HJURP: variants seen among roughly 807,000 people sequenced by gnomAD.
The protein encoded by HJURP is Holliday junction recognition protein.
In HJURP, 49 loss-of-function variants were observed where a neutral mutation model predicts 72.0. The observed-to-expected ratio is 0.68, with a 90% CI of 0.54 to 0.86. HJURP has a LOEUF of 0.86. Among genes scored for constraint, HJURP ranks in the 40% least tolerant of loss-of-function variants. The pLI is 0.00. For missense variants in HJURP, 908 were observed against 936.3 expected (o/e 0.97, Z 0.39); for synonymous variants, 357 against 347.1 (o/e 1.03, Z -0.32).
intron 7 of HJURP, among the ~76,000 whole-genome samples, chr2:233,842,641 A>G (rs945759547): frequency 8.6e-5 from 4 of 46,730 alleles, no homozygotes; most frequent in African/African-American, 5.9e-4. Context: ...ATTGAACACA[A>G]ACAAAAAAAA....
chr2:233,839,249 C>T (rs1024505157), intron 8 of HJURP, among the ~76,000 whole-genome samples: 1 of 152,234 alleles, frequency 6.6e-6, no homozygotes, highest in Non-Finnish European at 1.5e-5. Context: ...TGGTCTGTGT[C>T]CAGACAGCTC....
Position 233,842,047 on chromosome 2 carries a change from A to C in HJURP, c.733T>G (p.Leu245Val), listed in dbSNP as rs968955764. ...TCATCTTCAAAGGGCTGGCTGCTTA[A>C]GAAGCTGCTGCTACTGGTCTCTTGT... ...SLQETSSSSF[L>V]SSQPFEDDDI... The change falls in exon 8 of 9, where the codon TTA becomes GTA. Residue 245 changes from leucine to valine, a missense_variant. Physicochemically the swap from Leu to Val is conservative, Grantham distance 32. Coordinates refer to ENST00000411486, the MANE Select transcript of HJURP (RefSeq NM_018410.5). 2 of 1,614,124 alleles carry C rather than the reference A, an allele frequency of 1.2e-6. No homozygotes were observed. The highest frequency in any genetic ancestry group is 1.3e-5 in the African/African-American group (1 of 74,938).
In HJURP at chr2:233,844,206, G is replaced by A. The variant is rs769522056; in HGVS notation, c.573C>T (p.Pro191=). The A allele has an allele frequency of 6.8e-6, 11 of 1,612,398 alleles. No individual in the cohort carries two copies. The highest frequency in any genetic ancestry group is 4.5e-5 in the East Asian group (2 of 44,896). ...ATACAGTTTCTATGTCACACTCACC[G>A]GGGGCAGGCACGGCAGGTGAGGCCA... is the stretch of plus-strand genomic sequence containing the variant. The part of the protein sequence containing the change: ...PSLASPAVPA[P]GYCSRISRKS... The change falls in exon 7 of 9, where the codon CCC becomes CCT. Residue 191 remains proline, a splice_region_variant and synonymous_variant. Coordinates refer to ENST00000411486, the MANE Select transcript of HJURP (RefSeq NM_018410.5).
rs756474081 is a variant in HJURP, at chr2:233,853,888, G to T, written c.140C>A (p.Thr47Asn). The change falls in exon 2 of 9, where the codon ACC becomes AAC. Residue 47 changes from threonine (T) to asparagine (N), a missense_variant. By Grantham distance (65) the Thr-to-Asn change is moderately conservative (BLOSUM62 0). Around this residue, in one of 3 missense-constraint regions of HJURP, gnomAD observed 299 missense variants for 286.7 expected, o/e 1.04. Transcript: ENST00000411486. ...IEKYNQPFED[T>N]PVVQMATLTY... ...CAGCGTGGCCATTTGCACCACCGGG[G>T]TGTCCTCGAAGGGCTGGTTGTACTG... 1.2e-6 allele frequency: 2 copies of T among 1,613,960 alleles called. No individual in the cohort carries two copies. The highest frequency in any genetic ancestry group is 2.2e-5 in the East Asian group (1 of 44,880).
Position 233,841,498 on chromosome 2 carries a change from C to G in HJURP, c.1282G>C (p.Glu428Gln), listed in dbSNP as rs745980197. ...ATTTCAATCTCCCTCTGACGGTTCT[C>G]TCCATGGCCCTGTCGTATTGTTGGT... ...SRPTIRQGHGENRQREIEIRF... is the reference protein window; with the variant it reads ...SRPTIRQGHGQNRQREIEIRF... The change falls in exon 8 of 9, where the codon GAG (glutamate) becomes CAG (glutamine). Residue 428 changes from glutamate (E) to glutamine (Q), a missense_variant. By Grantham distance (29) the Glu-to-Gln change is conservative. Coordinates refer to ENST00000411486, the MANE Select transcript of HJURP (RefSeq NM_018410.5). 2.6e-5 allele frequency: 42 copies of G among 1,614,086 alleles called. No homozygotes were observed. The highest frequency in any genetic ancestry group is 3.4e-5 in the Non-Finnish European group (40 of 1,180,038).
rs995025806 is a variant in HJURP at position 233,837,386 on chromosome 2, A to G, written c.*191T>C. 4.0e-6 allele frequency: 2 copies of G among 503,306 alleles called. No homozygotes were observed. Among genetic ancestry groups the G allele is most frequent in the African/African-American group, 2.0e-5 (1 of 49,222 alleles). The allele number at this position is 503,306 out of a possible 1,614,324, so 31.2% of individuals were successfully genotyped here. On this transcript the variant is annotated 3_prime_UTR_variant, in exon 9 of 9. Transcript: ENST00000411486. ...ATCAAAGAGAACCCTAAAAATTCTA[A>G]TTGAGCAACTTTATTCACATAATTT...
chr2:233,839,505 G>A (rs1705163917), intron 8 of HJURP, among the ~76,000 whole-genome samples: 1 of 152,248 alleles, frequency 6.6e-6, no homozygotes, highest in Admixed American at 6.5e-5. Flanking sequence ...AGTGAGAAAG[G>A]CCCCAGGGGG....
rs1461179379 is a variant in HJURP at position 233,845,818 on chromosome 2, A to G, written c.405T>C (p.Pro135=). 1.2e-6 allele frequency: 2 copies of G among 1,608,290 alleles called. No individual in the cohort carries two copies. Among genetic ancestry groups the G allele is most frequent in the Non-Finnish European group, 1.7e-6 (2 of 1,176,064 alleles). The change falls in exon 6 of 9, where the codon CCT becomes CCC. Residue 135 remains proline, a splice_region_variant and synonymous_variant. Transcript: ENST00000411486. ...TTTTCAAAGGGCTTTGAGGCACTGC[A>G]GGCTGATCAAAAAAGAGAAGTCAGA... ...QEESVAWALA[P]AVPQSPLKNE...
At position 233,840,632 on chromosome 2, in the gene HJURP, A is replaced by G. The variant is rs1381413402; in HGVS notation, c.2148T>C (p.Ser716=). ...ACCTCTCTTCTGAGTTGGGCTGTGA[A>G]GAGCTGCCCTGGTCTCCCGGTCTGA... ...NTVRPGDQGS[S]SQPNSEERGE... Residue 716 remains serine, a synonymous_variant, in exon 8 of 9, where the codon TCT becomes TCC. Transcript: ENST00000411486. 6.2e-7 allele frequency: 1 copy of G among 1,601,772 alleles called. No individual in the cohort carries two copies. Among genetic ancestry groups the G allele is most frequent in the Non-Finnish European group, 8.5e-7 (1 of 1,176,378 alleles).
Position 233,842,331 on chromosome 2 carries a change from C to T in HJURP, c.575-126G>A, listed in dbSNP as rs895967617. On this transcript the variant is annotated intron_variant, in intron 7 of 8. Coordinates refer to ENST00000411486, the MANE Select transcript of HJURP (RefSeq NM_018410.5). ...TTAAGCAATAGCAAAAACAAAAACA[C>T]CACAAATGTGTAGGAGTAGACTCTT... 8 of 734,386 alleles carry T rather than the reference C, an allele frequency of 1.1e-5. No individual in the cohort carries two copies. In the African/African-American group the frequency reaches 1.4e-4, roughly 13 times the overall value. The allele number at this position is 734,386 out of a possible 1,614,324, so 45.5% of individuals were successfully genotyped here.
chr2:233,854,517 C>T lies in HJURP; in HGVS notation c.-17G>A, dbSNP rs749291573. 6.3e-7 allele frequency: 1 copy of T among 1,587,324 alleles called. No homozygotes were observed. The highest frequency in any genetic ancestry group is 8.6e-7 in the Non-Finnish European group (1 of 1,162,378). On this transcript the variant is annotated 5_prime_UTR_variant, in exon 1 of 9. Coordinates refer to ENST00000411486, the MANE Select transcript of HJURP (RefSeq NM_018410.5). ...ACCCAGCATCGGACCCAGCCAGTAC[C>T]CAAGCGCCAACCCGGACTGCAGGGC...
rs775652057 is a variant in HJURP at position 233,852,558 on chromosome 2, T to C, written c.240+7A>G. ...GTTATTTGGCAATAAAATTTGACAC[T>C]AAATACCTGGATCTCTCCTTCGTTT... On this transcript the variant is annotated splice_region_variant and intron_variant, in intron 3 of 8. Coordinates refer to ENST00000411486, the MANE Select transcript of HJURP (RefSeq NM_018410.5). 6.3e-7 allele frequency: 1 copy of C among 1,588,766 alleles called. No individual in the cohort carries two copies. The highest frequency in any genetic ancestry group is 1.1e-5 in the South Asian group (1 of 90,648).
Position 233,844,256 on chromosome 2 carries a change from C to T in HJURP, c.523G>A (p.Val175Ile), listed in dbSNP as rs2124967187. Reference sequence around the variant, plus strand: ...AGTGAAGGCAGCGGAGTCACACGTACATCCCTTCCAGCTCTGTTACCTGCA... The same window carrying T: ...AGTGAAGGCAGCGGAGTCACACGTATATCCCTTCCAGCTCTGTTACCTGCA... Reference protein sequence around the residue: ...ECAGNRAGRDVRVTPLPSLAS... With the variant: ...ECAGNRAGRDIRVTPLPSLAS... The change falls in exon 7 of 9, where the codon GTA becomes ATA. Residue 175 changes from valine to isoleucine, a missense_variant. Val to Ile is a conservative substitution (Grantham distance 29, BLOSUM62 3). Coordinates refer to ENST00000411486, the MANE Select transcript of HJURP (RefSeq NM_018410.5). 6 of 1,614,210 alleles carry T rather than the reference C, an allele frequency of 3.7e-6. No individual in the cohort carries two copies. The highest frequency in any genetic ancestry group is 1.6e-4 in the Middle Eastern group (1 of 6,062).
intron 3 of HJURP, 80 bp from the exon 4 acceptor site, chr2:233,849,939 C>A (rs970981368): frequency 1.1e-5 from 9 of 824,988 alleles, no homozygotes; most frequent in African/African-American, 1.7e-5. Flanking sequence ...AATAAAACTG[C>A]AATCCTTCTG....
Position 233,843,670 on chromosome 2 carries a change from G to A in HJURP, c.574+535C>T, listed in dbSNP as rs550813690. On this transcript the variant is annotated intron_variant, in intron 7 of 8. Coordinates refer to ENST00000411486, the MANE Select transcript of HJURP (RefSeq NM_018410.5). ...CGGTGGTACCAGCCTGAGTGGGTCC[G>A]GAAACGATCAGGCAAACCAGAAAGG... Among the ~76,000 whole-genome samples, 9 of 152,242 alleles carry A rather than the reference G, an allele frequency of 5.9e-5. No homozygotes were observed. The South Asian group carries it at 1.7e-3, about 28-fold the overall frequency.
chr2:233,841,772 T>C lies in HJURP; in HGVS notation c.1008A>G (p.Ala336=). Residue 336 remains alanine, a synonymous_variant, in exon 8 of 9, where the codon GCA becomes GCG. Transcript: ENST00000411486. ...CTAATACGTTCTTGCAATCTCTTAA[T>C]GCCCCTGTCCCTTTCACAGGCTCAG... ...PCSEPVKGTG[A]LRDCKNVLDV... 6.2e-7 allele frequency: 1 copy of C among 1,614,192 alleles called. No individual in the cohort carries two copies. The highest frequency in any genetic ancestry group is 8.5e-7 in the Non-Finnish European group (1 of 1,180,012).
chr2:233,846,263 G>A lies in HJURP; in HGVS notation c.403-443C>T, dbSNP rs1705359834. 1.3e-5 allele frequency: 2 copies of A among 154,946 alleles called. No individual in the cohort carries two copies. The highest frequency in any genetic ancestry group is 2.9e-5 in the Non-Finnish European group (2 of 69,898). 9.6% of individuals were successfully genotyped at this position (154,946 alleles called of 1,614,324 possible). A position where few individuals can be genotyped will look rare whatever the true frequency, so the allele number is the denominator to read the frequency against. ...AGGCCAGGAGTTCGAGACCAGCCTG[G>A]CCAACATGGTGAAAGTCCATCTCTA... On this transcript the variant is annotated intron_variant, in intron 5 of 8. Coordinates refer to ENST00000411486, the MANE Select transcript of HJURP (RefSeq NM_018410.5). The surrounding 1 kb of genome is among the most constrained non-coding windows in gnomAD (Gnocchi z 4.3).
In HJURP at chr2:233,837,272, A is replaced by G; in HGVS notation, c.*305T>C. On this transcript the variant is annotated 3_prime_UTR_variant, in exon 9 of 9. Coordinates refer to ENST00000411486, the MANE Select transcript of HJURP (RefSeq NM_018410.5). ...CCGCACTCCAGCCTGGGCGATAGAG[A>G]GAGACTGTCTCAAAAACAAACAAAC... is the stretch of plus-strand genomic sequence containing the variant. 2.9e-6 allele frequency: 1 copy of G among 348,570 alleles called. No individual in the cohort carries two copies. 21.6% of individuals were successfully genotyped at this position (348,570 alleles called of 1,614,324 possible). A position where few individuals can be genotyped will look rare whatever the true frequency, so the allele number is the denominator to read the frequency against.
At chr2:233,837,683 G>A (rs761591029) in intron 8 of HJURP, 31 bp from the exon 9 acceptor site, 16 of 1,459,774 alleles carry the variant, frequency 1.1e-5, no homozygotes, top group Middle Eastern at 1.8e-4. Flanking sequence ...AGAAAATGAT[G>A]TTAGCAAAAT....
Sources: allele counts gnomAD v4.1 joint callset (sites outside exome capture counted in the v4.1 genomes callset), GRCh38; gene constraint gnomAD v4.1.1; regional missense constraint gnomAD v4.1.1; non-coding constraint Gnocchi (gnomAD v3.1); transcripts MANE v1.5; gene names NCBI Gene and HGNC (gene_info 2026-07-23, HGNC 2026-07-21).